ABTB1: variants seen among roughly 807,000 people sequenced by gnomAD.
ABTB1 encodes the protein ankyrin repeat and BTB domain containing 1.
In ABTB1, 45 loss-of-function variants were observed where a neutral mutation model predicts 57.1. The ratio of observed to expected loss-of-function variants is 0.79; its 90% CI spans 0.62 to 1.01. The LOEUF (loss-of-function observed/expected upper bound fraction) is 1.01, where lower values mean the gene tolerates loss of function less well. Among genes scored for constraint, ABTB1 ranks in the 50% least tolerant of loss-of-function variants. The pLI, the probability that ABTB1 is intolerant of heterozygous loss-of-function variation, is 0.00. For missense variants in ABTB1, 630 were observed against 666.3 expected, an observed-to-expected ratio of 0.95 and a Z score of 0.60; for synonymous variants, 302 against 275.4, an observed-to-expected ratio of 1.10 and a Z score of -0.95.
At position 127,677,853 on chromosome 3, in the gene ABTB1, C is replaced by A; in HGVS notation, c.1029+10C>A. On this transcript the variant is annotated intron_variant, in intron 10 of 11. Coordinates refer to ENST00000232744, the MANE Select transcript of ABTB1 (RefSeq NM_172027.3). ...CAGCGACCACACTGAGGTGGGGGCT[C>A]AGGCAGAGCTGGGGATGGCACACAA... The A allele has an allele frequency of 6.2e-7, 1 of 1,609,976 alleles. No homozygotes were observed. The highest frequency in any genetic ancestry group is 8.5e-7 in the Non-Finnish European group (1 of 1,179,050).
rs753297674 is a variant in ABTB1 at position 127,676,397 on chromosome 3, AG to A, written c.449del (p.Gly150AlafsTer11). ...GCCAACATGCTGGACACCAAATGGA[AG>A]GGCAAGAGTGTCGTGGTTCTCAGGC... is the stretch of plus-strand genomic sequence containing the variant. ...YFANMLDTKW[K>X]GKSVVVLRHP... On this transcript the variant is annotated frameshift_variant, in exon 5 of 12. Coordinates refer to ENST00000232744, the MANE Select transcript of ABTB1 (RefSeq NM_172027.3). LOFTEE classifies it high-confidence loss of function. The surrounding 1 kb of genome is among the most constrained non-coding windows in gnomAD (Gnocchi z 5.4). The A allele has an allele frequency of 4.5e-5, 73 of 1,614,050 alleles. No individual in the cohort carries two copies.
intron 10 of ABTB1, chr3:127,679,668 T>C (rs2075077453): frequency 3.7e-6 from 2 of 534,412 alleles, no homozygotes; most frequent in East Asian, 4.6e-5. Context: ...CAGCTAGAAG[T>C]GTCAGACCCA....
Position 127,676,087 on chromosome 3 carries a change from G to A in ABTB1, c.293G>A (p.Arg98Gln), listed in dbSNP as rs774766896. The change falls in exon 4 of 12, where the codon CGG becomes CAG. Residue 98 changes from arginine to glutamine, a missense_variant. Physicochemically the swap from Arg to Gln is conservative, Grantham distance 43 (BLOSUM62 1). Coordinates refer to ENST00000232744, the MANE Select transcript of ABTB1 (RefSeq NM_172027.3). This position sits in a 1 kb window ranked among gnomAD's most constrained non-coding sequence, Gnocchi z 5.4. ...YKQVTASCRR[R>Q]DYYDDFLQRL... is the part of the protein sequence containing the mutation. ...CAGGTCACGGCTTCCTGCAGGAGGC[G>A]GGATTACTATGACGACTTCTTGCAG... 6 of 1,613,320 alleles carry A rather than the reference G, an allele frequency of 3.7e-6. No homozygotes were observed. Among genetic ancestry groups the A allele is most frequent in the Admixed American group, 1.7e-5 (1 of 60,018 alleles).
At position 127,680,544 on chromosome 3, in the gene ABTB1, C is replaced by T; in HGVS notation, c.*69C>T. ...ACAAGCATGTGTATGCGTTTGTGTG[C>T]AGCTCTTCTTCCTGCTCCCTGCACA... On this transcript the variant is annotated 3_prime_UTR_variant, in exon 12 of 12. Coordinates refer to ENST00000232744, the MANE Select transcript of ABTB1 (RefSeq NM_172027.3). 1.9e-6 allele frequency: 3 copies of T among 1,558,720 alleles called. No homozygotes were observed. Among genetic ancestry groups the T allele is most frequent in the Non-Finnish European group, 2.6e-6 (3 of 1,144,828 alleles).
chr3:127,676,949 C>A lies in ABTB1; in HGVS notation c.527-18C>A, dbSNP rs757805877. 1 of 1,611,520 alleles carries A rather than the reference C, an allele frequency of 6.2e-7. No homozygotes were observed. Among genetic ancestry groups the A allele is most frequent in the Non-Finnish European group, 8.5e-7 (1 of 1,178,488 alleles). On this transcript the variant is annotated intron_variant, in intron 6 of 11. Transcript: ENST00000232744. This position sits in a 1 kb window ranked among gnomAD's most constrained non-coding sequence, Gnocchi z 5.4. Reference sequence around the variant, plus strand: ...CAGCTGAGGTCCCGCAGGCCCTCATCCTCCCCACTGCCCCCAGGCCGCCTG... The same window carrying A: ...CAGCTGAGGTCCCGCAGGCCCTCATACTCCCCACTGCCCCCAGGCCGCCTG...
In ABTB1 at chr3:127,673,136, C is replaced by T. The variant is rs1290555179; in HGVS notation, c.56+55C>T. The T allele has an allele frequency of 1.2e-5, 17 of 1,460,214 alleles. No homozygotes were observed. The East Asian group carries it at 4.0e-4, about 34-fold the overall frequency. 90.5% of individuals were successfully genotyped at this position (1,460,214 alleles called of 1,614,324 possible). On this transcript the variant is annotated intron_variant, in intron 1 of 11. Transcript: ENST00000232744. Reference sequence around the variant, plus strand: ...CGGGAGGTGGCCGCCCTCGGAACGCCTCGGGCCCTGGGACGGGCGGCTGGG... The same window carrying T: ...CGGGAGGTGGCCGCCCTCGGAACGCTTCGGGCCCTGGGACGGGCGGCTGGG...
chr3:127,674,972 G>A (rs1345142866), intron 3 of ABTB1, among the ~76,000 whole-genome samples: 1 of 152,116 alleles, frequency 6.6e-6, no homozygotes, highest in East Asian at 1.9e-4. Flanking sequence ...CATGCCCAAG[G>A]CTCCACAGGG....
rs1315806361 is a variant in ABTB1 at position 127,674,569 on chromosome 3, C to T, written c.144C>T (p.His48=). The T allele has an allele frequency of 6.2e-7, 1 of 1,614,122 alleles. No homozygotes were observed. Among genetic ancestry groups the T allele is most frequent in the Non-Finnish European group, 8.5e-7 (1 of 1,180,018 alleles). Residue 48 remains histidine, a synonymous_variant, in exon 3 of 12, where the codon CAC becomes CAT. Transcript: ENST00000232744. ...TPLYYACLCG[H]EELVLYLLAN... ...GGTACTATGCCTGCTTGTGTGGGCA[C>T]GAGGAGCTGGTACTCTACCTTCTGG...
intron 11 of ABTB1, 22 bp from the exon 12 acceptor site, chr3:127,680,247 A>G: frequency 6.2e-7 from 1 of 1,613,426 alleles, no homozygotes; most frequent in Non-Finnish European, 8.5e-7. Context: ...CCCTCCACTG[A>G]GCTGGCCCTT....
Position 127,677,508 on chromosome 3 carries a change from AC to A in ABTB1, c.807del (p.Asn269LysfsTer85), listed in dbSNP as rs749423678. Reference sequence around the variant, plus strand: ...CCCTTCCCTTGTCCTGACGGCTTCAACAGCTGCCCTGACATCTGCTTCCGAG... The same window carrying A: ...CCCTTCCCTTGTCCTGACGGCTTCAAAGCTGCCCTGACATCTGCTTCCGAG... ...ELPFPCPDGFNSCPDICFRVA... is the reference protein window; with the variant it reads ...ELPFPCPDGFXSCPDICFRVA... On this transcript the variant is annotated frameshift_variant, in exon 9 of 12. Transcript: ENST00000232744. LOFTEE classifies it high-confidence loss of function. 5.0e-6 allele frequency: 8 copies of A among 1,613,954 alleles called. No homozygotes were observed. The highest frequency in any genetic ancestry group is 1.3e-5 in the African/African-American group (1 of 74,906).
At chr3:127,674,673 G>GCAC in intron 3 of ABTB1, 73 bp downstream of exon 3, 1 of 1,570,224 alleles carries the variant, frequency 6.4e-7, no homozygotes, top group Non-Finnish European at 8.8e-7. Context: ...ATGCATGCGT[G>GCAC]CGTGCATTCA....
In ABTB1 at chr3:127,680,289, C is replaced by T. The variant is rs140791161; in HGVS notation, c.1251C>T (p.Phe417=). 2,351 of 1,613,218 alleles carry T rather than the reference C, an allele frequency of 1.5e-3. 32 individuals carry two copies. The African/African-American group carries it at 0.027, about 19-fold the overall frequency. The change falls in exon 12 of 12, where the codon TTC becomes TTT. Residue 417 remains phenylalanine, a synonymous_variant. Transcript: ENST00000232744. ...VIEKLVERED[F]VEAVKEEAAA... The stretch of plus-strand genomic sequence containing the variant: ...CATAGCTGGTGGAGCGGGAGGACTT[C>T]GTGGAGGCGGTGAAGGAGGAGGCAG...
intron 2 of ABTB1, 34 bp downstream of exon 2, chr3:127,674,487 G>A (rs1262402586): frequency 6.3e-7 from 1 of 1,584,524 alleles, no homozygotes; most frequent in South Asian, 1.1e-5. Flanking sequence ...GGAGGGTGGG[G>A]GTTGGTGCAC....
At position 127,677,735 on chromosome 3, in the gene ABTB1, G is replaced by C; in HGVS notation, c.921G>C (p.Glu307Asp). 1.9e-6 allele frequency: 3 copies of C among 1,610,530 alleles called. No homozygotes were observed. Among genetic ancestry groups the C allele is most frequent in the Non-Finnish European group, 2.5e-6 (3 of 1,178,524 alleles). The change falls in exon 10 of 12, where the codon GAG becomes GAC. Residue 307 changes from glutamate to aspartate, a missense_variant. Physicochemically the swap from Glu to Asp is conservative, Grantham distance 45. Around this residue, in one of 3 missense-constraint regions of ABTB1, gnomAD observed 579 missense variants for 585.9 expected, o/e 0.99. Coordinates refer to ENST00000232744, the MANE Select transcript of ABTB1 (RefSeq NM_172027.3). ...FRALLDDHFR[E>D]SEEPATSGGP... ...CCCTGCTGGATGACCACTTCCGAGA[G>C]AGCGAGGAGCCAGCGACCTCAGGGG...
rs749385995 is a variant in ABTB1, at chr3:127,680,577, C to T, written c.*102C>T. 7.0e-7 allele frequency: 1 copy of T among 1,420,466 alleles called. No individual in the cohort carries two copies. The highest frequency in any genetic ancestry group is 1.1e-5 in the South Asian group (1 of 87,048). 88.0% of individuals were successfully genotyped at this position (1,420,466 alleles called of 1,614,324 possible). A position where few individuals can be genotyped will look rare whatever the true frequency, so the allele number is the denominator to read the frequency against. ...CTTCCTGCTCCCTGCACATTGAGGG[C>T]TTCATGGGGGGTGCGAGGGGCTCAG... On this transcript the variant is annotated 3_prime_UTR_variant, in exon 12 of 12. Coordinates refer to ENST00000232744, the MANE Select transcript of ABTB1 (RefSeq NM_172027.3).
At position 127,677,224 on chromosome 3, in the gene ABTB1, G is replaced by C. The variant is rs1249052270; in HGVS notation, c.700G>C (p.Asp234His). 16 of 1,607,790 alleles carry C rather than the reference G, an allele frequency of 1.0e-5. No individual in the cohort carries two copies. The highest frequency in any genetic ancestry group is 1.4e-5 in the Non-Finnish European group (16 of 1,177,332). ...GCTGACCATCGAGCCCCCACCTGCA[G>C]ACCCCCGCCTCCGGGAGGACATGGC... is the stretch of plus-strand genomic sequence containing the variant. Reference protein sequence around the residue: ...KVLTIEPPPADPRLREDMALL... With the variant: ...KVLTIEPPPAHPRLREDMALL... Residue 234 changes from aspartate (D) to histidine (H), a missense_variant, in exon 8 of 12, where the codon GAC becomes CAC. Asp to His is a moderately conservative substitution (Grantham distance 81). Around this residue, in one of 3 missense-constraint regions of ABTB1, gnomAD observed 579 missense variants for 585.9 expected, o/e 0.99. Coordinates refer to ENST00000232744, the MANE Select transcript of ABTB1 (RefSeq NM_172027.3).
chr3:127,676,588 C>T lies in ABTB1; in HGVS notation c.526+7C>T, dbSNP rs781633058. ...CTGCAGTACCTGTACACAGGTGACC[C>T]CCTGGGTCCAGGGTAGGAGGAGAGG... On this transcript the variant is annotated splice_region_variant and intron_variant, in intron 6 of 11. Transcript: ENST00000232744. This position sits in a 1 kb window ranked among gnomAD's most constrained non-coding sequence, Gnocchi z 5.4. The T allele has an allele frequency of 7.4e-6, 12 of 1,613,640 alleles. No individual in the cohort carries two copies. The highest frequency in any genetic ancestry group is 9.3e-6 in the Non-Finnish European group (11 of 1,179,956).
chr3:127,677,161 C>T lies in ABTB1; in HGVS notation c.644-7C>T. On this transcript the variant is annotated splice_region_variant and splice_polypyrimidine_tract_variant and intron_variant, in intron 7 of 11. Coordinates refer to ENST00000232744, the MANE Select transcript of ABTB1 (RefSeq NM_172027.3). ...CCTGGCTCCCTGAAGTTGTTCTTCC[C>T]CTGTAGTGGCGTCTAAGCCAGGCAC... The T allele has an allele frequency of 6.2e-7, 1 of 1,613,430 alleles. No homozygotes were observed. Among genetic ancestry groups the T allele is most frequent in the East Asian group, 2.2e-5 (1 of 44,874 alleles).
intron 1 of ABTB1, 96 bp from the exon 2 acceptor site, chr3:127,674,295 C>T: frequency 1.3e-6 from 2 of 1,508,688 alleles, no homozygotes; most frequent in Non-Finnish European, 9.0e-7. Context: ...CTTCCCCATA[C>T]CAAAAGGGAT....
Sources: gnomAD v4.1 joint callset for allele counts (sites outside exome capture counted in the v4.1 genomes callset) on GRCh38, gnomAD v4.1.1 for gene constraint, gnomAD v4.1.1 regional missense constraint, Gnocchi (gnomAD v3.1) non-coding constraint, MANE v1.5 for transcripts, NCBI Gene and HGNC (gene_info 2026-07-23, HGNC 2026-07-21) for gene names.